The following PTPRU variants were observed in gnomAD, a reference collection of about 807,000 sequenced individuals.
PTPRU encodes the protein receptor-type tyrosine-protein phosphatase U.
PTPRU carries 69 observed loss-of-function variants against 166.3 expected under a neutral mutation model. That is an observed-to-expected ratio of 0.41 (90% confidence interval 0.34 to 0.51). The LOEUF (loss-of-function observed/expected upper bound fraction) is 0.51. Among genes scored for constraint, PTPRU ranks in the 20% least tolerant of loss-of-function variants. The pLI is 0.09. For synonymous variants in PTPRU, 793 were observed against 814.0 expected (o/e 0.97, Z 0.44); for missense variants, 1,657 against 2,013.7 (o/e 0.82, Z 3.39).
intron 1 of PTPRU, among the ~76,000 whole-genome samples, chr1:29,248,118 T>C (rs540783320): frequency 1.3e-5 from 2 of 152,252 alleles, no homozygotes; most frequent in African/African-American, 4.8e-5. Flanking sequence ...GTCATGGTCC[T>C]AGAGCTGGGT....
chr1:29,265,300 T>C (rs925095564), intron 7 of PTPRU, among the ~76,000 whole-genome samples: 1 of 152,212 alleles, frequency 6.6e-6, no homozygotes, highest in African/African-American at 2.4e-5. Context: ...AGGTGTGTAG[T>C]GATATCTCAT....
chr1:29,306,170 G>C (rs942241437), intron 18 of PTPRU, among the ~76,000 whole-genome samples: 3 of 152,206 alleles, frequency 2.0e-5, no homozygotes, highest in Non-Finnish European at 2.9e-5. Context: ...AGCAGGACTT[G>C]GATGGATTGG....
intron 14 of PTPRU, 59 bp downstream of exon 14, chr1:29,284,928 C>T (rs1357951863): frequency 6.5e-7 from 1 of 1,548,026 alleles, no homozygotes; most frequent in Non-Finnish European, 8.7e-7. Flanking sequence ...GGCCTGGTGG[C>T]ACAGAGGAAT....
chr1:29,245,140 T>C (rs542746014), intron 1 of PTPRU, among the ~76,000 whole-genome samples: 2 of 152,206 alleles, frequency 1.3e-5, no homozygotes, highest in Non-Finnish European at 1.5e-5. Context: ...GGCTGTACTT[T>C]AATTGTCTGA....
At chr1:29,308,566 C>CAAAAAAAA (rs754278193) in intron 18 of PTPRU, among the ~76,000 whole-genome samples, 978 of 79,558 alleles carry the variant, frequency 0.012, 76 homozygotes, top group African/African-American at 0.051. Context: ...GTCCCTGTCT[C>CAAAAAAAA]AAAAAAAAAA....
chr1:29,266,462 G>T (rs1685307911), intron 7 of PTPRU, among the ~76,000 whole-genome samples: 1 of 152,178 alleles, frequency 6.6e-6, no homozygotes, highest in African/African-American at 2.4e-5. Flanking sequence ...CCAGTTTAAA[G>T]CCACACTTTG....
At position 29,271,040 on chromosome 1, in the gene PTPRU, A is replaced by G. The variant is rs1685537562; in HGVS notation, c.1145-4408A>G. 6.6e-6 allele frequency among the ~76,000 whole-genome samples: 1 copy of G among 152,244 alleles called. No individual in the cohort carries two copies. ...CTTGGGTGTACCAGATCCCAGTCCA[A>G]AGCTCCTCCCATGAGAAAAAGTTGA... On this transcript the variant is annotated intron_variant, in intron 7 of 29. Coordinates refer to ENST00000373779, the MANE Select transcript of PTPRU (RefSeq NM_133178.4). This position sits in a 1 kb window ranked among gnomAD's most constrained non-coding sequence, Gnocchi z 4.4.
At chr1:29,262,042 T>G (rs1685089157) in intron 7 of PTPRU, among the ~76,000 whole-genome samples, 2 of 152,240 alleles carry the variant, frequency 1.3e-5, no homozygotes, top group South Asian at 4.2e-4. Context: ...TGTACTTGTT[T>G]GTGTGTGTGT....
intron 1 of PTPRU, among the ~76,000 whole-genome samples, chr1:29,248,811 A>T (rs141113212): frequency 6.6e-6 from 1 of 152,050 alleles, no homozygotes; most frequent in Non-Finnish European, 1.5e-5. Flanking sequence ...TATGCCCTGT[A>T]CCTTTGCTTG....
At chr1:29,266,289 G>A (rs1315079870) in intron 7 of PTPRU, among the ~76,000 whole-genome samples, 6 of 151,988 alleles carry the variant, frequency 3.9e-5, no homozygotes, top group African/African-American at 1.2e-4. Flanking sequence ...ATGAGCCACC[G>A]CGCCTGGCCT....
chr1:29,297,092 C>T (rs552708186), intron 15 of PTPRU, among the ~76,000 whole-genome samples: 1 of 124,080 alleles, frequency 8.1e-6, no homozygotes, highest in South Asian at 2.7e-4. Flanking sequence ...CTCACTGTGT[C>T]GCCCAGGCTG....
chr1:29,265,027 C>G (rs1685237649), intron 7 of PTPRU, among the ~76,000 whole-genome samples: 1 of 152,138 alleles, frequency 6.6e-6, no homozygotes, highest in Admixed American at 6.6e-5. Flanking sequence ...TGGGCTGGTT[C>G]CACTTTTTCA....
chr1:29,259,770 G>A (rs1490312930), intron 5 of PTPRU, 100 bp from the exon 6 acceptor site: 4 of 1,363,656 alleles, frequency 2.9e-6, no homozygotes, highest in Admixed American at 2.7e-5. Flanking sequence ...ACCTATGTCC[G>A]CGCGGTGTAG....
chr1:29,244,830 T>G (rs971696316), intron 1 of PTPRU, among the ~76,000 whole-genome samples: 2 of 152,222 alleles, frequency 1.3e-5, no homozygotes, highest in Non-Finnish European at 2.9e-5. Context: ...CTGCACATAG[T>G]AAGCACTGTG....
chr1:29,307,613 T>C (rs1430965607), intron 18 of PTPRU, among the ~76,000 whole-genome samples: 1 of 152,246 alleles, frequency 6.6e-6, no homozygotes, highest in Admixed American at 6.5e-5. Context: ...CTCCTAAAAC[T>C]ACTTTCCCTA....
Position 29,249,951 on chromosome 1 carries a change from C to T in PTPRU, c.74-5324C>T, listed in dbSNP as rs560148184. Among the ~76,000 whole-genome samples, 47 of 152,348 alleles carry T rather than the reference C, an allele frequency of 3.1e-4. No individual in the cohort carries two copies. The South Asian group carries it at 9.1e-3, about 30-fold the overall frequency. On this transcript the variant is annotated intron_variant, in intron 1 of 29. Coordinates refer to ENST00000373779, the MANE Select transcript of PTPRU (RefSeq NM_133178.4). Reference sequence around the variant, plus strand: ...TCCATGATTGGCCTCAACCTCCCTTCCCTCCAGTCATAGCTCCCATGGCTT... The same window carrying T: ...TCCATGATTGGCCTCAACCTCCCTTTCCTCCAGTCATAGCTCCCATGGCTT...
chr1:29,295,047 G>T (rs9426409), intron 15 of PTPRU, among the ~76,000 whole-genome samples: 43,643 of 151,956 alleles, frequency 0.29, 7,567 homozygotes, highest in East Asian at 0.64. Context: ...CTCTCTCTCT[G>T]TCTTAATGAG....
chr1:29,283,960 C>T lies in PTPRU; in HGVS notation c.2163C>T (p.Ile721=). 2 of 1,613,930 alleles carry T rather than the reference C, an allele frequency of 1.2e-6. No individual in the cohort carries two copies. The highest frequency in any genetic ancestry group is 1.7e-6 in the Non-Finnish European group (2 of 1,180,038). Residue 721 remains isoleucine, a synonymous_variant, in exon 13 of 30, where the codon ATC becomes ATT. Coordinates refer to ENST00000373779, the MANE Select transcript of PTPRU (RefSeq NM_133178.4). ...HLKGETRLNC[I]RIARKAACKE... is the part of the protein sequence containing the mutation. ...TCCAGGAGACCCGGCTGAATTGCAT[C>T]CGCATTGCCAGGAAAGGTAAGTCCG...
rs1167254764 is a variant in PTPRU at position 29,326,586 on chromosome 1, T to G, written c.*925T>G. On this transcript the variant is annotated 3_prime_UTR_variant, in exon 30 of 30. Coordinates refer to ENST00000373779, the MANE Select transcript of PTPRU (RefSeq NM_133178.4). ...ACCCTCTGGAGTTCAGAGGAAGAGGTAGGACCAGTGCTTTTTTGTTTCTTT... is the reference window on the plus strand; with the variant it reads ...ACCCTCTGGAGTTCAGAGGAAGAGGGAGGACCAGTGCTTTTTTGTTTCTTT... 6.6e-6 allele frequency: 1 copy of G among 152,234 alleles called. No individual in the cohort carries two copies. The highest frequency in any genetic ancestry group is 2.4e-5 in the African/African-American group (1 of 41,342). 9.4% of individuals were successfully genotyped at this position (152,234 alleles called of 1,614,324 possible). A position where few individuals can be genotyped will look rare whatever the true frequency, so the allele number is the denominator to read the frequency against.
Sources: allele counts gnomAD v4.1 joint callset (sites outside exome capture counted in the v4.1 genomes callset), GRCh38; gene constraint gnomAD v4.1.1; non-coding constraint Gnocchi (gnomAD v3.1); transcripts MANE v1.5; gene names NCBI Gene and HGNC (gene_info 2026-07-23, HGNC 2026-07-21).